The following FAM168B variants were observed in gnomAD, a reference collection of about 807,000 sequenced individuals.
FAM168B encodes the protein family with sequence similarity 168 member B, also known as myelin-associated neurite-outgrowth inhibitor.
FAM168B carries 19 observed loss-of-function variants against 21.8 expected under a neutral mutation model. The observed-to-expected ratio is 0.87, with a 90% CI of 0.61 to 1.28. The LOEUF (loss-of-function observed/expected upper bound fraction) is 1.28. Among genes scored for constraint, FAM168B ranks in the 50% most tolerant of loss-of-function variants. The pLI is 0.00. For synonymous variants in FAM168B, 126 were observed against 104.8 expected (o/e 1.20, Z -1.24); for missense variants, 233 against 263.1 (o/e 0.89, Z 0.79).
chr2:131,050,531 A>G lies in FAM168B; in HGVS notation c.*1934T>C, dbSNP rs1691598536. The G allele has an allele frequency of 2.0e-6, 2 of 985,908 alleles. No homozygotes were observed. Among genetic ancestry groups the G allele is most frequent in the Non-Finnish European group, 2.4e-6 (2 of 829,952 alleles). The allele number at this position is 985,908 out of a possible 1,614,324, so 61.1% of individuals were successfully genotyped here. A position where few individuals can be genotyped will look rare whatever the true frequency, so the allele number is the denominator to read the frequency against. ...AGACACTAAGATGGATTAAGTGCTCATGAAGCAATTTAAAGTACTTATCAG... is the reference window on the plus strand; with the variant it reads ...AGACACTAAGATGGATTAAGTGCTCGTGAAGCAATTTAAAGTACTTATCAG... On this transcript the variant is annotated 3_prime_UTR_variant, in exon 7 of 7. Transcript: ENST00000389915.
At chr2:131,084,734 T>C (rs1274696817) in intron 1 of FAM168B, among the ~76,000 whole-genome samples, 2 of 152,098 alleles carry the variant, frequency 1.3e-5, no homozygotes, top group African/African-American at 4.8e-5. Context: ...CTGAATCTTA[T>C]CCAGGGTATT....
At chr2:131,091,264 G>A (rs1041474667) in intron 1 of FAM168B, among the ~76,000 whole-genome samples, 5 of 152,030 alleles carry the variant, frequency 3.3e-5, no homozygotes, top group East Asian at 1.9e-4. Context: ...ACTTGAACCC[G>A]GGAGGAGGAG....
intron 3 of FAM168B, among the ~76,000 whole-genome samples, chr2:131,063,737 CA>C (rs1692419938): frequency 6.6e-6 from 1 of 152,156 alleles, no homozygotes; most frequent in Non-Finnish European, 1.5e-5. Context: ...TATGATTGTG[CA>C]ACCACACTCC....
intron 3 of FAM168B, among the ~76,000 whole-genome samples, chr2:131,068,190 G>A (rs1025774363): frequency 1.3e-5 from 2 of 152,026 alleles, no homozygotes; most frequent in East Asian, 1.9e-4. Context: ...ACAGAGTCTC[G>A]CTCTGTCACA....
intron 3 of FAM168B, among the ~76,000 whole-genome samples, chr2:131,057,681 C>T (rs925472662): frequency 1.3e-5 from 2 of 152,150 alleles, no homozygotes; most frequent in Non-Finnish European, 2.9e-5. Flanking sequence ...CGGAGGTCAA[C>T]GCTGCAGTGA....
Position 131,048,177 on chromosome 2 carries a change from T to A in FAM168B, c.*4288A>T, listed in dbSNP as rs750295572. 2.6e-5 allele frequency: 32 copies of A among 1,249,358 alleles called. No individual in the cohort carries two copies. The South Asian group carries it at 3.6e-4, about 14-fold the overall frequency. The allele number at this position is 1,249,358 out of a possible 1,614,324, so 77.4% of individuals were successfully genotyped here. On this transcript the variant is annotated 3_prime_UTR_variant, in exon 7 of 7. Transcript: ENST00000389915. The stretch of plus-strand genomic sequence containing the variant: ...AAAAACGGTATTTAAAAATCATTTT[T>A]AAAAAAACAAAAAGGAACCGTTTCT...
At chr2:131,067,656 C>T (rs2105507867) in intron 3 of FAM168B, among the ~76,000 whole-genome samples, 1 of 152,132 alleles carries the variant, frequency 6.6e-6, no homozygotes, top group East Asian at 1.9e-4. Context: ...GGCAGGATTG[C>T]TTGGCAGTGA....
intron 1 of FAM168B, among the ~76,000 whole-genome samples, chr2:131,090,717 A>G (rs561522180): frequency 5.9e-5 from 9 of 152,176 alleles, no homozygotes; most frequent in South Asian, 4.1e-4. Flanking sequence ...ATGAACATAT[A>G]TATGTATAAT....
At chr2:131,092,667 C>T (rs1694093117) in intron 1 of FAM168B, among the ~76,000 whole-genome samples, 1 of 152,104 alleles carries the variant, frequency 6.6e-6, no homozygotes, top group Admixed American at 6.6e-5. Flanking sequence ...TTGTGGACGT[C>T]GTAAAGGCGC....
In FAM168B at chr2:131,055,427, G is replaced by A; in HGVS notation, c.320C>T (p.Pro107Leu). ...GACGTGAGGAGGTGCTGCATACAGC[G>A]GCTGTGTGTAGTACGTGCCTTGCTG... ...YAQQGTYYTQ[P>L]LYAAPPHVIH... Residue 107 changes from proline to leucine, a missense_variant, in exon 5 of 7, where the codon CCG (proline) becomes CTG (leucine). By Grantham distance (98) the Pro-to-Leu change is moderately conservative. Transcript: ENST00000389915. The A allele has an allele frequency of 2.5e-6, 4 of 1,609,432 alleles. No individual in the cohort carries two copies. Among genetic ancestry groups the A allele is most frequent in the Non-Finnish European group, 3.4e-6 (4 of 1,178,530 alleles).
rs1042753539 is a variant in FAM168B, at chr2:131,082,433, T to C, written c.70+144A>G. 15 of 611,190 alleles carry C rather than the reference T, an allele frequency of 2.5e-5. No individual in the cohort carries two copies. In the Admixed American group the frequency reaches 4.6e-4, roughly 19 times the overall value. The allele number at this position is 611,190 out of a possible 1,614,324, so 37.9% of individuals were successfully genotyped here. On this transcript the variant is annotated intron_variant, in intron 2 of 6. Coordinates refer to ENST00000389915, the MANE Select transcript of FAM168B (RefSeq NM_001009993.4). ...CAAGTTTTGACCAAATCCAGTCCTA[T>C]CATTTGATTTTTCACTTCCAGGTAT... is the stretch of plus-strand genomic sequence containing the variant.
At position 131,048,058 on chromosome 2, in the gene FAM168B, T is replaced by C. The variant is rs576517224; in HGVS notation, c.*4407A>G. ...AGGATGGAAATTCCATTCCTTGGCA[T>C]GGATACGTAAGTTCAATGCAGAGGT... On this transcript the variant is annotated 3_prime_UTR_variant, in exon 7 of 7. Coordinates refer to ENST00000389915, the MANE Select transcript of FAM168B (RefSeq NM_001009993.4). 1.1e-5 allele frequency: 6 copies of C among 548,632 alleles called. No homozygotes were observed. Among genetic ancestry groups the C allele is most frequent in the Middle Eastern group, 6.7e-4 (1 of 1,494 alleles). 34.0% of individuals were successfully genotyped at this position (548,632 alleles called of 1,614,324 possible). A position where few individuals can be genotyped will look rare whatever the true frequency, so the allele number is the denominator to read the frequency against.
chr2:131,050,067 G>A lies in FAM168B; in HGVS notation c.*2398C>T, dbSNP rs1467758920. 1 of 985,296 alleles carries A rather than the reference G, an allele frequency of 1.0e-6. No homozygotes were observed. Among genetic ancestry groups the A allele is most frequent in the Non-Finnish European group, 1.2e-6 (1 of 829,938 alleles). 61.0% of individuals were successfully genotyped at this position (985,296 alleles called of 1,614,324 possible). A position where few individuals can be genotyped will look rare whatever the true frequency, so the allele number is the denominator to read the frequency against. The stretch of plus-strand genomic sequence containing the variant: ...CATAAAGCCTCTCAACTTCATAAAA[G>A]GGAAAAAAGGTTAAGTTACAGGGAG... On this transcript the variant is annotated 3_prime_UTR_variant, in exon 7 of 7. Transcript: ENST00000389915.
At chr2:131,064,840 AAAC>A (rs1337942094) in intron 3 of FAM168B, among the ~76,000 whole-genome samples, 1 of 152,176 alleles carries the variant, frequency 6.6e-6, no homozygotes, top group Non-Finnish European at 1.5e-5. Flanking sequence ...ATCACCAGGA[AAAC>A]AACACACAAG....
chr2:131,070,957 G>C (rs990399441), intron 3 of FAM168B, among the ~76,000 whole-genome samples: 1 of 152,188 alleles, frequency 6.6e-6, no homozygotes, highest in African/African-American at 2.4e-5. Context: ...CCCGGGGAAA[G>C]AAAGCTTGGG....
At chr2:131,058,194 A>T (rs1692120205) in intron 3 of FAM168B, among the ~76,000 whole-genome samples, 1 of 152,146 alleles carries the variant, frequency 6.6e-6, no homozygotes, top group Admixed American at 6.6e-5. Flanking sequence ...CCCCCTGGGA[A>T]ATTCACTAGT....
chr2:131,066,209 A>AG (rs1379603349), intron 3 of FAM168B, among the ~76,000 whole-genome samples: 1 of 140,812 alleles, frequency 7.1e-6, no homozygotes, highest in Non-Finnish European at 1.5e-5. Flanking sequence ...TCTGTCGCCC[A>AG]GGCTGGAGTG....
intron 3 of FAM168B, among the ~76,000 whole-genome samples, chr2:131,064,947 G>C (rs1692481302): frequency 6.6e-6 from 1 of 152,202 alleles, no homozygotes; most frequent in African/African-American, 2.4e-5. Context: ...AAAGACACCA[G>C]ATAAGTACAG....
chr2:131,049,925 A>G lies in FAM168B; in HGVS notation c.*2540T>C, dbSNP rs1691546026. 11 of 985,574 alleles carry G rather than the reference A, an allele frequency of 1.1e-5. No homozygotes were observed. The highest frequency in any genetic ancestry group is 5.2e-4 in the Middle Eastern group (1 of 1,914). 61.1% of individuals were successfully genotyped at this position (985,574 alleles called of 1,614,324 possible). ...AATTACAACCTATGACAGTTTTGTG[A>G]CTATTTCCTAAGTCCAGATTCTTAC... is the stretch of plus-strand genomic sequence containing the variant. On this transcript the variant is annotated 3_prime_UTR_variant, in exon 7 of 7. Transcript: ENST00000389915.
Sources: allele counts gnomAD v4.1 joint callset (sites outside exome capture counted in the v4.1 genomes callset), GRCh38; gene constraint gnomAD v4.1.1; transcripts MANE v1.5; gene names NCBI Gene and HGNC (gene_info 2026-07-23, HGNC 2026-07-21).